The following ANAPC5 variants were observed in gnomAD, a reference collection of about 807,000 sequenced individuals.
ANAPC5 encodes the protein anaphase-promoting complex subunit 5.
In ANAPC5, 60 loss-of-function variants were observed where a neutral mutation model predicts 91.3. The observed-to-expected ratio is 0.66, with a 90% confidence interval of 0.53 to 0.81. The LOEUF (loss-of-function observed/expected upper bound fraction) is 0.81. Among genes scored for constraint, ANAPC5 ranks in the 40% least tolerant of loss-of-function variants. The probability of loss-of-function intolerance (pLI) is 0.00; values close to 1 mark genes in which losing one functional copy is unlikely to be tolerated. For synonymous variants in ANAPC5, 340 were observed against 364.1 expected (o/e 0.93, Z 0.75); for missense variants, 690 against 931.5 (o/e 0.74, Z 3.37).
chr12:121,333,123 C>T (rs968603679), intron 7 of ANAPC5: 10 of 152,228 alleles, frequency 6.6e-5, no homozygotes, highest in African/African-American at 2.4e-4. Context: ...CGAGACCATC[C>T]TGACCGATAT....
chr12:121,351,321 C>T (rs1443998614), intron 1 of ANAPC5: 4 of 292,606 alleles, frequency 1.4e-5, no homozygotes, highest in African/African-American at 4.6e-5. Context: ...TGCAGTGAGC[C>T]GCGATCACAC....
At chr12:121,311,320 G>A (rs1391510045) in intron 15 of ANAPC5, among the ~76,000 whole-genome samples, 1 of 152,130 alleles carries the variant, frequency 6.6e-6, no homozygotes, top group Non-Finnish European at 1.5e-5. Flanking sequence ...AATATTCCAT[G>A]CAAACAATAA....
chr12:121,318,219 C>G, intron 15 of ANAPC5, 58 bp downstream of exon 15: 9 of 1,461,672 alleles, frequency 6.2e-6, no homozygotes, highest in Non-Finnish European at 8.2e-6. Context: ...CAAACGTAGT[C>G]ACAGACTCAC....
rs1026900916 is a variant in ANAPC5, at chr12:121,319,694, T to C, written c.1637+3A>G. 12 of 1,601,806 alleles carry C rather than the reference T, an allele frequency of 7.5e-6. No homozygotes were observed. Among genetic ancestry groups the C allele is most frequent in the African/African-American group, 2.7e-5 (2 of 74,358 alleles). On this transcript the variant is annotated splice_donor_region_variant and intron_variant, in intron 13 of 16. Coordinates refer to ENST00000261819, the MANE Select transcript of ANAPC5 (RefSeq NM_016237.5). ...TGGGGTTAGAGTTTTCAAGGTTTCT[T>C]ACCTATAAACACCCTCTATGCTATT... is the stretch of plus-strand genomic sequence containing the variant.
upstream of ANAPC5, among the ~76,000 whole-genome samples, chr12:121,352,771 A>G (rs1181907369): frequency 5.1e-5 from 4 of 78,476 alleles, no homozygotes; most frequent in Admixed American, 1.5e-4. Flanking sequence ...ATATCTCGCT[A>G]TGTTACCAAG....
At chr12:121,351,724 G>A (rs1257860724) in intron 1 of ANAPC5, among the ~76,000 whole-genome samples, 4 of 152,018 alleles carry the variant, frequency 2.6e-5, no homozygotes, top group Non-Finnish European at 5.9e-5. Flanking sequence ...CCCAAAGTGC[G>A]GAGATTATAG....
In ANAPC5 at chr12:121,309,700, C is replaced by A; in HGVS notation, c.2056+1G>T. The stretch of plus-strand genomic sequence containing the variant: ...CTAACAGTCTTCGTACAGCTTCCTA[C>A]CTTCTGCTTTCTTCGGCTGATCGTA... On this transcript the variant is annotated splice_donor_variant, in intron 16 of 16. Transcript: ENST00000261819. LOFTEE classifies it high-confidence loss of function. The A allele has an allele frequency of 6.2e-7, 1 of 1,613,314 alleles. No homozygotes were observed. The highest frequency in any genetic ancestry group is 1.3e-5 in the African/African-American group (1 of 75,020).
chr12:121,315,725 G>T (rs1902329750), intron 15 of ANAPC5, among the ~76,000 whole-genome samples: 1 of 152,084 alleles, frequency 6.6e-6, no homozygotes, highest in Non-Finnish European at 1.5e-5. Context: ...TCAACAAATG[G>T]TGCTAGAATA....
intron 9 of ANAPC5, among the ~76,000 whole-genome samples, chr12:121,330,287 T>A (rs1555272746): frequency 6.6e-6 from 1 of 152,248 alleles, no homozygotes; most frequent in Non-Finnish European, 1.5e-5. Context: ...TGCTAAAATT[T>A]TTCTAAGTGA....
At chr12:121,322,501 T>C (rs1456861844) in intron 11 of ANAPC5, among the ~76,000 whole-genome samples, 1 of 152,200 alleles carries the variant, frequency 6.6e-6, no homozygotes, top group African/African-American at 2.4e-5. Context: ...GTTTACCACA[T>C]GGTAGGCATC....
chr12:121,309,639 G>T (rs566729917), intron 16 of ANAPC5, 62 bp downstream of exon 16: 2 of 1,523,558 alleles, frequency 1.3e-6, no homozygotes, highest in Non-Finnish European at 1.8e-6. Flanking sequence ...CTTCTTCTGG[G>T]TCCTAAACTT....
chr12:121,320,016 GC>G (rs1468121597), intron 12 of ANAPC5, among the ~76,000 whole-genome samples, 198 bp from the exon 13 acceptor site: 2 of 152,122 alleles, frequency 1.3e-5, no homozygotes, highest in Non-Finnish European at 2.9e-5. Context: ...ATACATGTGT[GC>G]CAATCATCAA....
chr12:121,343,409 G>A (rs1429880793), intron 4 of ANAPC5, among the ~76,000 whole-genome samples: 3 of 152,250 alleles, frequency 2.0e-5, no homozygotes, highest in Admixed American at 2.0e-4. Context: ...CAACCCTCTG[G>A]GGAAGGGGTA....
At chr12:121,331,167 T>C (rs1555272865) in intron 8 of ANAPC5, 180 bp downstream of exon 8, 1 of 534,996 alleles carries the variant, frequency 1.9e-6, no homozygotes, top group Non-Finnish European at 3.4e-6. Flanking sequence ...ACAGATGTCA[T>C]GAATTAAGAA....
chr12:121,344,069 G>C (rs1903563240), intron 4 of ANAPC5, among the ~76,000 whole-genome samples: 1 of 152,206 alleles, frequency 6.6e-6, no homozygotes, highest in Non-Finnish European at 1.5e-5. Flanking sequence ...TTACCAGTAT[G>C]GGTGATGGAC....
At chr12:121,337,903 G>A (rs1207932097) in intron 5 of ANAPC5, among the ~76,000 whole-genome samples, 2 of 152,086 alleles carry the variant, frequency 1.3e-5, no homozygotes, top group African/African-American at 4.8e-5. Context: ...TGCCTGTATG[G>A]GGCCTTATGG....
chr12:121,309,612 C>G lies in ANAPC5; in HGVS notation c.2056+89G>C, dbSNP rs2136749210. The G allele has an allele frequency of 1.4e-5, 20 of 1,456,702 alleles. 1 individual carries two copies. In the South Asian group the frequency reaches 2.5e-4, roughly 18 times the overall value. The allele number at this position is 1,456,702 out of a possible 1,614,324, so 90.2% of individuals were successfully genotyped here. A position where few individuals can be genotyped will look rare whatever the true frequency, so the allele number is the denominator to read the frequency against. On this transcript the variant is annotated intron_variant, in intron 16 of 16. Transcript: ENST00000261819. ...AACACTCAGAACTTAAATGCTGTCC[C>G]AAATTTAATGTCTTTTCTTCTTCTG...
intron 15 of ANAPC5, among the ~76,000 whole-genome samples, chr12:121,312,706 CAA>C (rs34791908): frequency 7.7e-5 from 4 of 51,810 alleles, no homozygotes; most frequent in African/African-American, 6.3e-5. Flanking sequence ...GACTCTGTCA[CAA>C]AAAAAAAAAA....
At chr12:121,309,922 G>A in intron 15 of ANAPC5, 59 bp from the exon 16 acceptor site, 1 of 1,478,072 alleles carries the variant, frequency 6.8e-7, no homozygotes, top group Admixed American at 2.2e-5. Flanking sequence ...TCACCAGGAA[G>A]CGTTTCATTT....
Sources: gnomAD v4.1 joint callset for allele counts (sites outside exome capture counted in the v4.1 genomes callset) on GRCh38, gnomAD v4.1.1 for gene constraint, MANE v1.5 for transcripts, NCBI Gene and HGNC (gene_info 2026-07-23, HGNC 2026-07-21) for gene names.